The following CES5A variants were observed in gnomAD, a reference collection of about 807,000 sequenced individuals.
CES5A encodes carboxylesterase 5.
In CES5A, 67 loss-of-function variants were observed where a neutral mutation model predicts 62.9. That is an observed-to-expected ratio of 1.07 (90% CI 0.88 to 1.31). CES5A has a LOEUF of 1.31. Among genes scored for constraint, CES5A ranks in the 50% most tolerant of loss-of-function variants. The probability of loss-of-function intolerance (pLI) is 0.00; values close to 1 mark genes in which losing one functional copy is unlikely to be tolerated. For synonymous variants in CES5A, 296 were observed against 280.8 expected (o/e 1.05, Z -0.54); for missense variants, 748 against 708.5 (o/e 1.06, Z -0.63).
chr16:55,846,870 C>T, intron 11 of CES5A, 30 bp from the exon 12 acceptor site: 1 of 1,602,358 alleles, frequency 6.2e-7, no homozygotes, highest in South Asian at 1.1e-5. Context: ...AATGCTGCTG[C>T]TCTGGGTGAG....
chr16:55,937,575 C>A (rs2034389822), intron 2 of CES5A, among the ~76,000 whole-genome samples: 1 of 152,170 alleles, frequency 6.6e-6, no homozygotes, highest in Non-Finnish European at 1.5e-5. Flanking sequence ...TGCCAGTTGG[C>A]TGAGTGACAA....
In CES5A at chr16:55,863,459, A is replaced by G. The variant is rs1287553893; in HGVS notation, c.706-7T>C. On this transcript the variant is annotated splice_region_variant and splice_polypyrimidine_tract_variant and intron_variant, in intron 5 of 12. Coordinates refer to ENST00000290567, the MANE Select transcript of CES5A (RefSeq NM_001143685.2). Reference sequence around the variant, plus strand: ...TGGCCATGGGAGACAGTATCTGGAGAGAGAACACAGAAGACCCAGGAAAGG... The same window carrying G: ...TGGCCATGGGAGACAGTATCTGGAGGGAGAACACAGAAGACCCAGGAAAGG... 8 of 1,434,852 alleles carry G rather than the reference A, an allele frequency of 5.6e-6. No individual in the cohort carries two copies. The Admixed American group carries it at 1.3e-4, about 24-fold the overall frequency. The allele number at this position is 1,434,852 out of a possible 1,614,324, so 88.9% of individuals were successfully genotyped here. A position where few individuals can be genotyped will look rare whatever the true frequency, so the allele number is the denominator to read the frequency against.
intron 2 of CES5A, among the ~76,000 whole-genome samples, chr16:55,934,738 A>T (rs2034351931): frequency 6.6e-6 from 1 of 152,104 alleles, no homozygotes; most frequent in Non-Finnish European, 1.5e-5. Context: ...AGAAATTATA[A>T]GATACTGCCT....
intron 1 of CES5A, among the ~76,000 whole-genome samples, chr16:55,906,237 CCT>C (rs1567349257): frequency 6.6e-6 from 1 of 152,194 alleles, no homozygotes. Flanking sequence ...TGAGATTGTC[CCT>C]GTTTCCTGGT....
In CES5A at chr16:55,866,565, G is replaced by A. The variant is rs573729175; in HGVS notation, c.552-449C>T. ...AGGCCAGGCACGGTGGCTCATGCCT[G>A]TAATCCCAGCACTTTGGGAGGCCGA... On this transcript the variant is annotated intron_variant, in intron 4 of 12. Transcript: ENST00000290567. Among the ~76,000 whole-genome samples the A allele has an allele frequency of 1.8e-4, 27 of 150,554 alleles. No individual in the cohort carries two copies. In the East Asian group the frequency reaches 5.1e-3, roughly 29 times the overall value.
At chr16:55,865,396 A>G (rs557654030) in intron 5 of CES5A, among the ~76,000 whole-genome samples, 3 of 152,282 alleles carry the variant, frequency 2.0e-5, no homozygotes, top group African/African-American at 4.8e-5. Context: ...CAAATGCGCT[A>G]AAGTCAGACT....
chr16:55,915,151 C>T (rs1358150811), intron 1 of CES5A, among the ~76,000 whole-genome samples: 2 of 152,182 alleles, frequency 1.3e-5, no homozygotes, highest in Non-Finnish European at 2.9e-5. Flanking sequence ...CCCCCACCCC[C>T]AAACACACAC....
chr16:55,860,154 CT>C (rs199642762), intron 7 of CES5A, among the ~76,000 whole-genome samples: 3 of 151,228 alleles, frequency 2.0e-5, no homozygotes, highest in South Asian at 2.1e-4. Context: ...CCTGAACAAG[CT>C]TTTTTTTTGC....
intron 2 of CES5A, among the ~76,000 whole-genome samples, chr16:55,935,277 A>T (rs778156789): frequency 3.2e-4 from 49 of 152,242 alleles, no homozygotes; most frequent in Non-Finnish European, 5.0e-4. Context: ...AAAAGGTGGA[A>T]TAAAAAAAGA....
At chr16:55,875,049 G>T in intron 1 of CES5A, 100 bp downstream of exon 1, 1 of 1,155,838 alleles carries the variant, frequency 8.7e-7, no homozygotes, top group Non-Finnish European at 1.3e-6. Context: ...GCTCTCCACT[G>T]GCCCTCAGAG....
At chr16:55,907,660 A>C (rs1282611495) in intron 1 of CES5A, among the ~76,000 whole-genome samples, 2 of 152,274 alleles carry the variant, frequency 1.3e-5, no homozygotes, top group East Asian at 3.9e-4. Context: ...ATAAGTGTGG[A>C]CCAGCATAGT....
intron 1 of CES5A, among the ~76,000 whole-genome samples, chr16:55,907,920 GC>G (rs1416836212): frequency 6.6e-6 from 1 of 152,102 alleles, no homozygotes; most frequent in African/African-American, 2.4e-5. Context: ...ACAGGAAACT[GC>G]CCATCTTCCC....
At chr16:55,899,143 A>G (rs116938827) in intron 1 of CES5A, among the ~76,000 whole-genome samples, 1 of 152,154 alleles carries the variant, frequency 6.6e-6, no homozygotes, top group Non-Finnish European at 1.5e-5. Flanking sequence ...TTTCTGTTTA[A>G]GTGCCTGCCC....
chr16:55,851,794 C>T (rs1184526690), intron 10 of CES5A, among the ~76,000 whole-genome samples: 2 of 152,118 alleles, frequency 1.3e-5, no homozygotes, highest in Non-Finnish European at 2.9e-5. Context: ...CGCAAATGTC[C>T]ATTAATGAAT....
chr16:55,906,633 T>C (rs1053309791), intron 1 of CES5A, among the ~76,000 whole-genome samples: 2 of 152,182 alleles, frequency 1.3e-5, no homozygotes, highest in Non-Finnish European at 2.9e-5. Flanking sequence ...ACACCAGCAT[T>C]ATGATGTGCT....
At chr16:55,920,649 A>G (rs1162736087) in intron 1 of CES5A, among the ~76,000 whole-genome samples, 2 of 152,222 alleles carry the variant, frequency 1.3e-5, no homozygotes, top group Admixed American at 1.3e-4. Context: ...CATCCAATAA[A>G]AAACAAAAGA....
Position 55,846,521 on chromosome 16 carries a change from A to T in CES5A, c.1658T>A (p.Leu553His). 6.2e-7 allele frequency: 1 copy of T among 1,614,188 alleles called. No individual in the cohort carries two copies. The change falls in exon 13 of 13, where the codon CTC becomes CAC. Residue 553 changes from leucine to histidine, a missense_variant. Transcript: ENST00000290567. ...AGTTAAGGAAGAAAGAGGACTGTGG[A>T]GCATGTCGGAGGCAGACAGGATCAG... ...IPLILSASDMLHSPLSSLTFL... is the reference protein window; with the variant it reads ...IPLILSASDMHHSPLSSLTFL...
At chr16:55,880,261 G>A (rs1320385125), upstream of CES5A, among the ~76,000 whole-genome samples, 3 of 152,126 alleles carry the variant, frequency 2.0e-5, no homozygotes, top group African/African-American at 7.2e-5. Flanking sequence ...TCTGCCCCAG[G>A]GCAGAAATGT....
At chr16:55,877,922 G>A (rs934974682), upstream of CES5A, among the ~76,000 whole-genome samples, 1 of 152,168 alleles carries the variant, frequency 6.6e-6, no homozygotes, top group Non-Finnish European at 1.5e-5. Flanking sequence ...GAAAGGAGCG[G>A]CAATAGAAAG....
Sources: allele counts gnomAD v4.1 joint callset (sites outside exome capture counted in the v4.1 genomes callset), GRCh38; gene constraint gnomAD v4.1.1; transcripts MANE v1.5; gene names NCBI Gene and HGNC (gene_info 2026-07-23, HGNC 2026-07-21).